Variants in ACAN observed in about 807,000 individuals in gnomAD.
ACAN encodes aggrecan, also known as aggrecan core protein.
ACAN carries 47 observed loss-of-function variants against 169.1 expected under a neutral mutation model. That is an observed-to-expected ratio of 0.28 (90% CI 0.22 to 0.35). The LOEUF is 0.35. Ranked by LOEUF, ACAN falls within the 10% of genes least tolerant of loss-of-function variation. The pLI, the probability that ACAN is intolerant of heterozygous loss-of-function variation, is 1.00. For missense variants in ACAN, 2,716 were observed against 2,759.9 expected (o/e 0.98, Z 0.36); for synonymous variants, 1,115 against 1,112.2 (o/e 1.00, Z -0.05).
Position 88,848,002 on chromosome 15 carries a change from A to G in ACAN, c.1696A>G (p.Thr566Ala). 6.2e-7 allele frequency: 1 copy of G among 1,613,870 alleles called. No individual in the cohort carries two copies. The highest frequency in any genetic ancestry group is 8.5e-7 in the Non-Finnish European group (1 of 1,179,854). ...CTATGGCGTGCGCCCATCAACAGAG[A>G]CCTACGATGTCTACTGCTTTGTAGA... ...RTYGVRPSTE[T>A]YDVYCFVDRL... is the part of the protein sequence containing the mutation. The change falls in exon 9 of 19, where the codon ACC (threonine) becomes GCC (alanine). Residue 566 changes from threonine to alanine, a missense_variant. By Grantham distance (58) the Thr-to-Ala change is moderately conservative. This residue lies in a region of ACAN where 1,283 missense variants were observed against 1,281.5 expected (regional missense o/e 1.00). Transcript: ENST00000560601.
Position 88,836,067 on chromosome 15 carries a change from C to A in ACAN, c.-7-133C>A, listed in dbSNP as rs929169077. On this transcript the variant is annotated intron_variant, in intron 1 of 18. Transcript: ENST00000560601. ...AAGAAAATATCTCACAAACCACGTGCAGCCTCCTTCTCTGGAGATGATTCC... is the reference window on the plus strand; with the variant it reads ...AAGAAAATATCTCACAAACCACGTGAAGCCTCCTTCTCTGGAGATGATTCC... 5.0e-5 allele frequency: 32 copies of A among 635,102 alleles called. No homozygotes were observed. In the East Asian group the frequency reaches 8.0e-4, roughly 16 times the overall value. The allele number at this position is 635,102 out of a possible 1,614,324, so 39.3% of individuals were successfully genotyped here. A position where few individuals can be genotyped will look rare whatever the true frequency, so the allele number is the denominator to read the frequency against.
chr15:88,841,924 C>A, intron 5 of ACAN, 57 bp downstream of exon 5: 2 of 1,602,114 alleles, frequency 1.2e-6, no homozygotes, highest in South Asian at 1.1e-5. Flanking sequence ...CCACCTTCCC[C>A]TCCCCATCTC....
At chr15:88,832,485 C>T (rs1411707652) in intron 1 of ACAN, among the ~76,000 whole-genome samples, 1 of 152,080 alleles carries the variant, frequency 6.6e-6, no homozygotes, top group East Asian at 1.9e-4. Context: ...GTGGCACACA[C>T]CTGTAGTCTC....
intron 6 of ACAN, among the ~76,000 whole-genome samples, chr15:88,844,007 G>C (rs890045971): frequency 2.6e-5 from 4 of 152,218 alleles, no homozygotes; most frequent in Admixed American, 2.0e-4. Flanking sequence ...TGAGGAGATG[G>C]GGTGCCCGCC....
chr15:88,843,368 T>G lies in ACAN; in HGVS notation c.771T>G (p.Tyr257Ter). 6.3e-7 allele frequency: 1 copy of G among 1,580,910 alleles called. No individual in the cohort carries two copies. The highest frequency in any genetic ancestry group is 8.6e-7 in the Non-Finnish European group (1 of 1,158,002). ...FAEEMEGEVF[Y>*]ATSPEKFTFQ... ...TGTCCTTCACAGGTGAGGTCTTTTA[T>G]GCAACATCTCCAGAGAAGTTCACCT... Residue 257 changes from tyrosine (Y) to a stop codon, truncating the protein, a stop_gained, in exon 6 of 19, where the codon TAT (tyrosine) becomes TAG (stop). Coordinates refer to ENST00000560601, the MANE Select transcript of ACAN (RefSeq NM_001369268.1). LOFTEE classifies it high-confidence loss of function. The surrounding 1 kb of genome is among the most constrained non-coding windows in gnomAD (Gnocchi z 4.0).
rs764027664 is a variant in ACAN, at chr15:88,857,334, T to G, written c.4749T>G (p.Ala1583=). The part of the protein sequence containing the change: ...REGLETSASG[A]EDLSGLPSGK... ...GTCTAGAGACTTCAGCTTCTGGAGC[T>G]GAGGACCTCAGTGGGTTGCCTTCTG... is the stretch of plus-strand genomic sequence containing the variant. Residue 1583 remains alanine (A), a synonymous_variant, in exon 12 of 19, where the codon GCT becomes GCG. Coordinates refer to ENST00000560601, the MANE Select transcript of ACAN (RefSeq NM_001369268.1). 1 of 1,613,864 alleles carries G rather than the reference T, an allele frequency of 6.2e-7. No homozygotes were observed. The highest frequency in any genetic ancestry group is 8.5e-7 in the Non-Finnish European group (1 of 1,179,880).
intron 2 of ACAN, among the ~76,000 whole-genome samples, chr15:88,836,752 G>A (rs927697354): frequency 3.3e-5 from 5 of 152,222 alleles, no homozygotes; most frequent in African/African-American, 1.2e-4. Flanking sequence ...ACCATCCTCG[G>A]GAAGCCCCAG....
At chr15:88,805,939 CTCT>C (rs1382742899) in intron 1 of ACAN, among the ~76,000 whole-genome samples, 1 of 152,212 alleles carries the variant, frequency 6.6e-6, no homozygotes, top group Non-Finnish European at 1.5e-5. Flanking sequence ...CGTTCTCCTC[CTCT>C]TATGCCCCCT....
chr15:88,803,929 CTA>C (rs538542865), intron 1 of ACAN, 120 bp downstream of exon 1: 26 of 152,420 alleles, frequency 1.7e-4, no homozygotes, highest in African/African-American at 6.3e-4. Flanking sequence ...CGCCCTAGAG[CTA>C]TGTGTGCCGG....
rs539724339 is a variant in ACAN at position 88,871,295 on chromosome 15, G to A, written c.7061-87G>A. 1.5e-4 allele frequency: 230 copies of A among 1,567,456 alleles called. 1 individual carries two copies. The highest frequency in any genetic ancestry group is 1.9e-4 in the Non-Finnish European group (222 of 1,152,076). On this transcript the variant is annotated intron_variant, in intron 14 of 18. Coordinates refer to ENST00000560601, the MANE Select transcript of ACAN (RefSeq NM_001369268.1). The surrounding 1 kb of genome is among the most constrained non-coding windows in gnomAD (Gnocchi z 7.8). ...GCACAGCATGGAAGGTGGGGTGAAC[G>A]CAGGAACCTATGCCATAAGACTGGC...
intron 1 of ACAN, among the ~76,000 whole-genome samples, chr15:88,827,686 T>C (rs1481439946): frequency 6.6e-6 from 1 of 152,224 alleles, no homozygotes; most frequent in African/African-American, 2.4e-5. Context: ...GCATACACAA[T>C]GCAGGTGTTC....
In ACAN at chr15:88,847,937, C is replaced by T. The variant is rs765015015; in HGVS notation, c.1631C>T (p.Pro544Leu). The change falls in exon 9 of 19, where the codon CCA becomes CTA. Residue 544 changes from proline to leucine, a missense_variant. Physicochemically the swap from Pro to Leu is moderately conservative, Grantham distance 98 (BLOSUM62 -3). Transcript: ENST00000560601. ...VRYPIVSPRT[P>L]CVGDKDSSPG... ...TACCCCATTGTGAGCCCCCGGACCC[C>T]ATGCGTGGGTGACAAGGACAGCAGC... is the stretch of plus-strand genomic sequence containing the variant. The T allele has an allele frequency of 1.9e-6, 3 of 1,613,904 alleles. No individual in the cohort carries two copies. Among genetic ancestry groups the T allele is most frequent in the Non-Finnish European group, 1.7e-6 (2 of 1,179,822 alleles).
In ACAN at chr15:88,854,984, C is replaced by A. The variant is rs761177707; in HGVS notation, c.2399C>A (p.Ser800Tyr). 3.1e-6 allele frequency: 5 copies of A among 1,597,146 alleles called. No homozygotes were observed. In the South Asian group the frequency reaches 5.7e-5, roughly 18 times the overall value. Residue 800 changes from serine (S) to tyrosine (Y), a missense_variant, in exon 12 of 19, where the codon TCC becomes TAC. Around this residue, in one of 3 missense-constraint regions of ACAN, gnomAD observed 1,283 missense variants for 1,281.5 expected, o/e 1.00. Transcript: ENST00000560601. The part of the protein sequence containing the change: ...SEVPFPSEEP[S>Y]PSEEPFPSVR... The stretch of plus-strand genomic sequence containing the variant: ...GTGCCATTCCCCTCAGAGGAGCCAT[C>A]CCCCTCAGAGGAACCATTCCCCTCA...
rs1004506000 is a variant in ACAN, at chr15:88,838,218, G to A, written c.71-445G>A. Among the ~76,000 whole-genome samples, 24 of 152,118 alleles carry A rather than the reference G, an allele frequency of 1.6e-4. No homozygotes were observed. The highest frequency in any genetic ancestry group is 5.8e-4 in the African/African-American group (24 of 41,412). On this transcript the variant is annotated intron_variant, in intron 2 of 18. Transcript: ENST00000560601. The surrounding 1 kb of genome is among the most constrained non-coding windows in gnomAD (Gnocchi z 5.1). ...ATGGGACACATCTTAGAAGTTTTCT[G>A]TCTCAGCTTTAAAATTGTGTAGATT...
intron 1 of ACAN, among the ~76,000 whole-genome samples, chr15:88,812,925 A>T (rs1171545117): frequency 6.6e-6 from 1 of 152,126 alleles, no homozygotes; most frequent in Admixed American, 6.5e-5. Flanking sequence ...GTTCTCCAAG[A>T]TGGTTTCTAT....
chr15:88,833,101 A>T (rs977322696), intron 1 of ACAN, among the ~76,000 whole-genome samples: 1 of 152,182 alleles, frequency 6.6e-6, no homozygotes, highest in African/African-American at 2.4e-5. Context: ...GTTCAATCCC[A>T]TAATTTGATG....
Position 88,849,801 on chromosome 15 carries a change from C to A in ACAN, c.2026+70C>A, listed in dbSNP as rs765214022. ...AGGACCCCACTGGGTTCACCGGATC[C>A]TGCCACCACCCAGTATCCCATCCAT... On this transcript the variant is annotated intron_variant, in intron 10 of 18. Coordinates refer to ENST00000560601, the MANE Select transcript of ACAN (RefSeq NM_001369268.1). This position sits in a 1 kb window ranked among gnomAD's most constrained non-coding sequence, Gnocchi z 5.1. 1 of 1,554,582 alleles carries A rather than the reference C, an allele frequency of 6.4e-7. No individual in the cohort carries two copies. Among genetic ancestry groups the A allele is most frequent in the South Asian group, 1.2e-5 (1 of 85,656 alleles).
intron 7 of ACAN, 52 bp downstream of exon 7, chr15:88,845,934 T>G: frequency 7.0e-7 from 1 of 1,432,794 alleles, no homozygotes. Context: ...GAACTTGGCC[T>G]GCAGGGAAGG....
At chr15:88,809,895 T>G (rs1895776044) in intron 1 of ACAN, among the ~76,000 whole-genome samples, 3 of 152,230 alleles carry the variant, frequency 2.0e-5, no homozygotes, top group African/African-American at 7.2e-5. Context: ...TGTCATTGAA[T>G]ACCTCCACTT....
Sources: gnomAD v4.1 joint callset for allele counts (sites outside exome capture counted in the v4.1 genomes callset) on GRCh38, gnomAD v4.1.1 for gene constraint, gnomAD v4.1.1 regional missense constraint, Gnocchi (gnomAD v3.1) non-coding constraint, MANE v1.5 for transcripts, NCBI Gene and HGNC (gene_info 2026-07-23, HGNC 2026-07-21) for gene names.